Variants in SLX9 observed in about 807,000 individuals in gnomAD.
SLX9 encodes SLX9 ribosome biogenesis factor.
A neutral mutation model predicts 20.8 loss-of-function variants in SLX9; 19 were observed. That is an observed-to-expected ratio of 0.91 (90% CI 0.64 to 1.34). The LOEUF is 1.34. Among genes scored for constraint, SLX9 ranks in the 40% most tolerant of loss-of-function variants. The pLI, the probability that SLX9 is intolerant of heterozygous loss-of-function variation, is 0.00. For synonymous variants in SLX9, 113 were observed against 137.1 expected (o/e 0.82, Z 1.23); for missense variants, 299 against 322.2 (o/e 0.93, Z 0.55).
At chr21:44,952,793 C>T (rs1266325709) in intron 2 of SLX9, among the ~76,000 whole-genome samples, 3 of 152,164 alleles carry the variant, frequency 2.0e-5, no homozygotes, top group African/African-American at 7.2e-5. Context: ...CTGAACCTGG[C>T]ACTTGGAGCT....
chr21:44,958,374 C>T (rs1178682573), intron 2 of SLX9: 1 of 152,396 alleles, frequency 6.6e-6, no homozygotes, highest in African/African-American at 2.4e-5. Flanking sequence ...CGGGACGCTC[C>T]TGTGCTTCCG....
At chr21:44,939,892 G>A (rs1198286782), upstream of SLX9, 4 of 652,246 alleles carry the variant, frequency 6.1e-6, 1 homozygote, top group South Asian at 4.4e-5. Context: ...AAGGCGGAGC[G>A]CCGCCACCCT....
chr21:44,948,972 C>T (rs895088816), intron 2 of SLX9, among the ~76,000 whole-genome samples: 4 of 152,236 alleles, frequency 2.6e-5, no homozygotes, highest in African/African-American at 9.6e-5. Flanking sequence ...GGCTTCCTCC[C>T]AGAGCTTGTT....
At chr21:44,954,865 A>T (rs2084826208) in intron 2 of SLX9, among the ~76,000 whole-genome samples, 1 of 152,152 alleles carries the variant, frequency 6.6e-6, no homozygotes, top group South Asian at 2.1e-4. Flanking sequence ...CCAATTTTTA[A>T]AAAGGTCTTT....
chr21:44,960,357 G>A (rs1355519871), intron 3 of SLX9, among the ~76,000 whole-genome samples, 189 bp downstream of exon 3: 1 of 152,202 alleles, frequency 6.6e-6, no homozygotes, highest in African/African-American at 2.4e-5. Context: ...CAGAGAGGTT[G>A]GCCATGAAGA....
chr21:44,951,986 C>T (rs953082903), intron 2 of SLX9, among the ~76,000 whole-genome samples: 6 of 137,042 alleles, frequency 4.4e-5, no homozygotes, highest in Non-Finnish European at 7.4e-5. Flanking sequence ...TCCTGGAGCA[C>T]GTGGCGGCGA....
chr21:44,962,674 G>C (rs894619560), intron 3 of SLX9, among the ~76,000 whole-genome samples: 8 of 152,040 alleles, frequency 5.3e-5, no homozygotes, highest in African/African-American at 1.9e-4. Context: ...GTTTCTCTTG[G>C]GTAAGTGCTG....
At chr21:44,939,938 G>A (rs956925879), upstream of SLX9, 6 of 1,098,722 alleles carry the variant, frequency 5.5e-6, no homozygotes, top group Non-Finnish European at 3.6e-6. Context: ...AGCCGCTTCC[G>A]GGTACTTCCG....
chr21:44,946,670 C>T (rs761459793), intron 2 of SLX9, among the ~76,000 whole-genome samples: 8 of 152,236 alleles, frequency 5.3e-5, no homozygotes, highest in Non-Finnish European at 1.0e-4. Flanking sequence ...GCGTTCTGAG[C>T]TCATCGCCGC....
At chr21:44,966,299 A>G (rs1345763131) in intron 3 of SLX9, among the ~76,000 whole-genome samples, 1 of 151,910 alleles carries the variant, frequency 6.6e-6, no homozygotes, top group East Asian at 1.9e-4. Flanking sequence ...CAGGTCTGCC[A>G]TGCCCGGGCC....
intron 4 of SLX9, among the ~76,000 whole-genome samples, chr21:44,970,873 G>A (rs1006947633): frequency 6.7e-6 from 1 of 148,516 alleles, no homozygotes; most frequent in Non-Finnish European, 1.5e-5. Context: ...CCAACCCTCA[G>A]TCCCCTCAGT....
chr21:44,940,387 C>G (rs1053024630), intron 1 of SLX9, among the ~76,000 whole-genome samples: 3 of 152,260 alleles, frequency 2.0e-5, no homozygotes, highest in Admixed American at 2.0e-4. Flanking sequence ...GTCCTGGGCA[C>G]ACGGACTCGC....
intron 2 of SLX9, among the ~76,000 whole-genome samples, chr21:44,957,748 G>T (rs916353407): frequency 1.3e-5 from 2 of 152,226 alleles, no homozygotes; most frequent in Non-Finnish European, 1.5e-5. Flanking sequence ...TCTCGGTTTT[G>T]TGGGGAATGA....
In SLX9 at chr21:44,943,800, A is replaced by G; in HGVS notation, c.246A>G (p.Ala82=). 6.2e-7 allele frequency: 1 copy of G among 1,613,094 alleles called. No individual in the cohort carries two copies. Among genetic ancestry groups the G allele is most frequent in the Non-Finnish European group, 8.5e-7 (1 of 1,179,968 alleles). Residue 82 remains alanine (A), a synonymous_variant, in exon 2 of 6, where the codon GCA becomes GCG. Coordinates refer to ENST00000291634, the MANE Select transcript of SLX9 (RefSeq NM_058190.4). The part of the protein sequence containing the change: ...RSVTSVRRGE[A]GSSARSVPSI... ...TCACTTCCGTCAGGAGAGGTGAGGC[A>G]GGCTCGAGTGCACGGAGCGTCCCTT...
chr21:44,956,627 T>C (rs2084862652), intron 2 of SLX9, among the ~76,000 whole-genome samples: 4 of 152,364 alleles, frequency 2.6e-5, no homozygotes, highest in Admixed American at 2.0e-4. Flanking sequence ...TGTTCTGTCC[T>C]GAGCCTCATG....
At chr21:44,965,481 T>C (rs1439207548) in intron 3 of SLX9, among the ~76,000 whole-genome samples, 2 of 152,242 alleles carry the variant, frequency 1.3e-5, no homozygotes, top group African/African-American at 2.4e-5. Flanking sequence ...TGATACTCAC[T>C]GTGGGTTTCT....
At chr21:44,955,903 G>A (rs1034193518) in intron 2 of SLX9, among the ~76,000 whole-genome samples, 4 of 152,240 alleles carry the variant, frequency 2.6e-5, no homozygotes, top group Non-Finnish European at 5.9e-5. Context: ...CTTCACAGGC[G>A]TTACCAGGTT....
At chr21:44,947,761 G>A (rs1227806906) in intron 2 of SLX9, among the ~76,000 whole-genome samples, 3 of 152,162 alleles carry the variant, frequency 2.0e-5, no homozygotes, top group Admixed American at 6.5e-5. Flanking sequence ...GCTACGGGAG[G>A]AGGAGGGCAT....
intron 4 of SLX9, 182 bp from the exon 5 acceptor site, chr21:44,973,015 C>G: frequency 2.8e-6 from 2 of 709,810 alleles, no homozygotes; most frequent in South Asian, 1.8e-5. Context: ...GGCAGTTGCA[C>G]TGCTTGTCCA....
Sources: gnomAD v4.1 joint callset for allele counts (sites outside exome capture counted in the v4.1 genomes callset) on GRCh38, gnomAD v4.1.1 for gene constraint, MANE v1.5 for transcripts, NCBI Gene and HGNC (gene_info 2026-07-23, HGNC 2026-07-21) for gene names.